The following GPM6A variants were observed in gnomAD, a reference collection of about 807,000 sequenced individuals.
GPM6A encodes the protein neuronal membrane glycoprotein M6-a.
Under a neutral mutation model 32.1 loss-of-function variants are expected in GPM6A, and 7 were observed. That is an observed-to-expected ratio of 0.22 (90% CI 0.12 to 0.41). The LOEUF (loss-of-function observed/expected upper bound fraction) is 0.41. Among genes scored for constraint, GPM6A ranks in the 10% least tolerant of loss-of-function variants. GPM6A has a pLI of 1.00. For missense variants in GPM6A, 235 were observed against 347.2 expected (o/e 0.68, Z 2.57); for synonymous variants, 130 against 123.4 (o/e 1.05, Z -0.35).
intron 1 of GPM6A, among the ~76,000 whole-genome samples, chr4:175,853,912 A>G (rs1056315186): frequency 1.3e-5 from 2 of 152,192 alleles, no homozygotes; most frequent in Admixed American, 1.3e-4. Flanking sequence ...ATTGTTCCAC[A>G]TTAATTTGAA....
rs564172627 is a variant in GPM6A at position 175,666,091 on chromosome 4, G to A, written c.387+7589C>T. Among the ~76,000 whole-genome samples the A allele has an allele frequency of 1.6e-4, 25 of 151,612 alleles. 1 individual carries two copies. The highest frequency in any genetic ancestry group is 1.4e-3 in the East Asian group (7 of 5,036). On this transcript the variant is annotated intron_variant, in intron 3 of 6. Coordinates refer to ENST00000393658, the MANE Select transcript of GPM6A (RefSeq NM_201591.3). The stretch of plus-strand genomic sequence containing the variant: ...CCACCACCACGCCTGGCTAATTTTC[G>A]TATTTTTTAGTAGAGAAGGGGTTTC...
At chr4:175,967,953 A>G (rs573263024) in intron 1 of GPM6A, among the ~76,000 whole-genome samples, 7,726 of 152,244 alleles carry the variant, frequency 0.051, 635 homozygotes, top group African/African-American at 0.17. Context: ...AAAAAATACA[A>G]CATCAACAGC....
At chr4:175,889,586 C>T (rs1288492354) in intron 1 of GPM6A, among the ~76,000 whole-genome samples, 2 of 151,156 alleles carry the variant, frequency 1.3e-5, no homozygotes, top group Admixed American at 6.6e-5. Flanking sequence ...GAGGCCGAGG[C>T]GGGTGGATCA....
At chr4:175,827,948 C>A (rs1735489895) in intron 1 of GPM6A, among the ~76,000 whole-genome samples, 1 of 152,258 alleles carries the variant, frequency 6.6e-6, no homozygotes, top group East Asian at 1.9e-4. Flanking sequence ...CTAGGAAAAG[C>A]TAAGAGAAAG....
chr4:175,732,135 T>C (rs1731461549), intron 1 of GPM6A, among the ~76,000 whole-genome samples: 1 of 151,786 alleles, frequency 6.6e-6, no homozygotes, highest in African/African-American at 2.4e-5. Context: ...CCCAGCTAAT[T>C]TTTGTATTTT....
upstream of GPM6A, chr4:175,812,706 C>A: frequency 6.1e-6 from 6 of 985,536 alleles, no homozygotes; most frequent in Non-Finnish European, 7.2e-6. Context: ...GTCCTCCTAA[C>A]ATGAAGCCGA....
intron 1 of GPM6A, among the ~76,000 whole-genome samples, chr4:175,945,481 A>G (rs893985668): frequency 2.0e-5 from 3 of 150,528 alleles, no homozygotes; most frequent in African/African-American, 7.5e-5. Flanking sequence ...TCAGTTGTAA[A>G]TAATACACAC....
chr4:175,703,241 G>A (rs1744977411), intron 1 of GPM6A, among the ~76,000 whole-genome samples: 2 of 152,006 alleles, frequency 1.3e-5, no homozygotes, highest in Non-Finnish European at 2.9e-5. Flanking sequence ...GTGCGATCTC[G>A]GCTCACTGCA....
chr4:175,749,910 G>C (rs1420709868), intron 1 of GPM6A, among the ~76,000 whole-genome samples: 1 of 152,050 alleles, frequency 6.6e-6, no homozygotes, highest in African/African-American at 2.4e-5. Context: ...TGTCCTTTGT[G>C]GTCTAACTAC....
chr4:175,959,521 A>G (rs1324198208), intron 1 of GPM6A, among the ~76,000 whole-genome samples: 1 of 152,134 alleles, frequency 6.6e-6, no homozygotes, highest in Non-Finnish European at 1.5e-5. Flanking sequence ...AGAAGAAGAT[A>G]ACAGAAAGGA....
At chr4:175,904,288 A>G (rs1431063233) in intron 1 of GPM6A, among the ~76,000 whole-genome samples, 2 of 152,194 alleles carry the variant, frequency 1.3e-5, no homozygotes, top group Admixed American at 1.3e-4. Flanking sequence ...TAGAAATTAT[A>G]AAGAAGACAA....
At chr4:175,812,638 G>A (rs530343923), upstream of GPM6A, 320 of 990,110 alleles carry the variant, frequency 3.2e-4, no homozygotes, top group African/African-American at 5.2e-3. Flanking sequence ...ATTGAGGTTT[G>A]TATTGAAATC....
intron 1 of GPM6A, among the ~76,000 whole-genome samples, chr4:175,965,304 T>G (rs1455366720): frequency 1.3e-5 from 2 of 151,554 alleles, no homozygotes; most frequent in Non-Finnish European, 2.9e-5. Flanking sequence ...TAGACAAAAA[T>G]TTACATAATT....
intron 1 of GPM6A, among the ~76,000 whole-genome samples, chr4:175,995,504 G>A (rs78094225): frequency 6.6e-6 from 1 of 152,010 alleles, no homozygotes; most frequent in African/African-American, 2.4e-5. Flanking sequence ...TGTAATGAGT[G>A]GCTAAGTCAG....
chr4:175,913,738 A>G (rs1738395523), intron 1 of GPM6A, among the ~76,000 whole-genome samples: 2 of 152,070 alleles, frequency 1.3e-5, no homozygotes, highest in African/African-American at 4.8e-5. Flanking sequence ...CTTTGCCAAA[A>G]CGTCACTTTC....
intron 1 of GPM6A, among the ~76,000 whole-genome samples, chr4:175,831,736 T>TTTTC (rs1735619700): frequency 6.9e-6 from 1 of 145,866 alleles, no homozygotes; most frequent in Non-Finnish European, 1.5e-5. Context: ...TTTTTTTTTT[T>TTTTC]TTGACGGAGG....
intron 1 of GPM6A, among the ~76,000 whole-genome samples, chr4:175,758,711 C>A (rs1339138320): frequency 2.0e-5 from 3 of 151,956 alleles, no homozygotes; most frequent in Admixed American, 6.6e-5. Context: ...GTAGGAAAGT[C>A]CTAGTACATA....
chr4:175,730,431 C>CG (rs1446752867), intron 1 of GPM6A, among the ~76,000 whole-genome samples: 2 of 149,190 alleles, frequency 1.3e-5, no homozygotes, highest in Non-Finnish European at 3.0e-5. Flanking sequence ...TTAGTATAGA[C>CG]GGGGTTTCAC....
At chr4:175,739,108 G>C (rs562456057) in intron 1 of GPM6A, among the ~76,000 whole-genome samples, 1 of 152,284 alleles carries the variant, frequency 6.6e-6, no homozygotes, top group East Asian at 1.9e-4. Flanking sequence ...GCCTGACAAG[G>C]TGTTGAATAG....
Sources: allele counts gnomAD v4.1 joint callset (sites outside exome capture counted in the v4.1 genomes callset), GRCh38; gene constraint gnomAD v4.1.1; transcripts MANE v1.5; gene names NCBI Gene and HGNC (gene_info 2026-07-23, HGNC 2026-07-21).